Variants in NKAIN2 observed in about 807,000 individuals in gnomAD.
The protein encoded by NKAIN2 is sodium/potassium-transporting ATPase subunit beta-1-interacting protein 2.
NKAIN2 carries 14 observed loss-of-function variants against 32.6 expected under a neutral mutation model. The ratio of observed to expected loss-of-function variants is 0.43; its 90% CI spans 0.28 to 0.67. NKAIN2 has a LOEUF of 0.67. Ranked by LOEUF, NKAIN2 falls within the 30% of genes least tolerant of loss-of-function variation. The pLI is 0.17. For missense variants in NKAIN2, 198 were observed against 258.3 expected, an observed-to-expected ratio of 0.77 and a Z score of 1.60; for synonymous variants, 80 against 87.2, an observed-to-expected ratio of 0.92 and a Z score of 0.46.
chr6:124,310,177 A>G (rs2114997997), intron 2 of NKAIN2, among the ~76,000 whole-genome samples: 1 of 152,270 alleles, frequency 6.6e-6, no homozygotes, highest in East Asian at 1.9e-4. Flanking sequence ...TGAAAAGCAC[A>G]TAGCTGTTTT....
intron 3 of NKAIN2, among the ~76,000 whole-genome samples, chr6:124,585,148 C>T (rs745328528): frequency 1.6e-4 from 25 of 152,162 alleles, no homozygotes; most frequent in Non-Finnish European, 1.9e-4. Flanking sequence ...AAGATCCTAT[C>T]GTTGGCAAAA....
intron 1 of NKAIN2, among the ~76,000 whole-genome samples, chr6:124,272,218 G>T (rs181061433): frequency 6.6e-6 from 1 of 152,184 alleles, no homozygotes. Context: ...AGGTCTTTAC[G>T]CAGCCCTCCC....
At chr6:124,445,276 C>T (rs1323685937) in intron 3 of NKAIN2, among the ~76,000 whole-genome samples, 1 of 151,982 alleles carries the variant, frequency 6.6e-6, no homozygotes, top group East Asian at 1.9e-4. Context: ...TTGGTTTTTG[C>T]TCTTCTTTGC....
At chr6:124,711,972 G>C (rs1009205029) in intron 4 of NKAIN2, among the ~76,000 whole-genome samples, 1 of 151,974 alleles carries the variant, frequency 6.6e-6, no homozygotes, top group African/African-American at 2.4e-5. Context: ...GGTCTTTGAC[G>C]ATGGTGATGT....
intron 3 of NKAIN2, among the ~76,000 whole-genome samples, chr6:124,449,420 T>A (rs1776014098): frequency 6.6e-6 from 1 of 151,984 alleles, no homozygotes; most frequent in Non-Finnish European, 1.5e-5. Context: ...GCCAACACTG[T>A]TAATAAGTAG....
intron 3 of NKAIN2, among the ~76,000 whole-genome samples, chr6:124,616,344 C>A (rs1391455041): frequency 6.6e-6 from 1 of 151,214 alleles, no homozygotes; most frequent in Admixed American, 6.6e-5. Flanking sequence ...ATATGAGAAG[C>A]TGAAATCTAT....
At chr6:124,747,827 A>G (rs1267962217) in intron 4 of NKAIN2, among the ~76,000 whole-genome samples, 7 of 151,890 alleles carry the variant, frequency 4.6e-5, no homozygotes, top group Admixed American at 3.3e-4. Flanking sequence ...TCATTAAAAT[A>G]TGAAACACTC....
In NKAIN2 at chr6:124,801,405, G is replaced by A. The variant is rs186577584; in HGVS notation, c.535+10006G>A. Among the ~76,000 whole-genome samples, 4 of 152,278 alleles carry A rather than the reference G, an allele frequency of 2.6e-5. No individual in the cohort carries two copies. In the East Asian group the frequency reaches 7.7e-4, roughly 29 times the overall value. On this transcript the variant is annotated intron_variant, in intron 5 of 6. Transcript: ENST00000368417. ...CCTACTGTAATCCCCCAATTTTACA[G>A]TTAAGGAAAGGGACACTCAAATTGA...
At chr6:124,329,685 C>T (rs1034089986) in intron 2 of NKAIN2, among the ~76,000 whole-genome samples, 2 of 152,208 alleles carry the variant, frequency 1.3e-5, no homozygotes, top group African/African-American at 4.8e-5. Flanking sequence ...AAGACACCTA[C>T]ACTTGCACAG....
chr6:124,555,999 T>G (rs1013566183), intron 3 of NKAIN2, among the ~76,000 whole-genome samples: 1 of 151,826 alleles, frequency 6.6e-6, no homozygotes, highest in Non-Finnish European at 1.5e-5. Context: ...ATGGTGCCCT[T>G]GGCTTTTATC....
At chr6:124,443,893 A>G (rs1365150415) in intron 3 of NKAIN2, among the ~76,000 whole-genome samples, 1 of 151,764 alleles carries the variant, frequency 6.6e-6, no homozygotes. Context: ...ACTCTTATCT[A>G]TCCTTTCAAT....
intron 1 of NKAIN2, among the ~76,000 whole-genome samples, chr6:124,173,565 A>G (rs1789003265): frequency 6.6e-6 from 1 of 152,126 alleles, no homozygotes; most frequent in African/African-American, 2.4e-5. Flanking sequence ...AAGAAACTGT[A>G]GAGTGAAAAA....
intron 3 of NKAIN2, among the ~76,000 whole-genome samples, chr6:124,468,545 C>T (rs891996789): frequency 7.9e-5 from 12 of 152,050 alleles, no homozygotes; most frequent in East Asian, 5.8e-4. Context: ...CATAAAATTT[C>T]GATTACACAT....
At chr6:123,864,695 G>C (rs1163346357) in intron 1 of NKAIN2, among the ~76,000 whole-genome samples, 4 of 152,122 alleles carry the variant, frequency 2.6e-5, no homozygotes, top group African/African-American at 4.8e-5. Context: ...TAAATGCAAA[G>C]CCCTGAGGTA....
chr6:124,457,492 A>G (rs1456678376), intron 3 of NKAIN2, among the ~76,000 whole-genome samples: 1 of 151,910 alleles, frequency 6.6e-6, no homozygotes, highest in Non-Finnish European at 1.5e-5. Context: ...CTAACCACAT[A>G]TCCTTTTGTT....
At chr6:124,559,447 G>A (rs117093165) in intron 3 of NKAIN2, among the ~76,000 whole-genome samples, 1,954 of 152,194 alleles carry the variant, frequency 0.013, 28 homozygotes, top group South Asian at 0.028. Context: ...AGCGATAGAC[G>A]ATTCCTTACC....
rs144437994 is a variant in NKAIN2, at chr6:124,423,199, A to G, written c.273+67852A>G. Among the ~76,000 whole-genome samples the G allele has an allele frequency of 3.2e-3, 490 of 152,288 alleles. 3 individuals are homozygous for G. The highest frequency in any genetic ancestry group is 0.011 in the African/African-American group (437 of 41,570). ...ATTTTTTCATATTTTAGTGACCAAA[A>G]TCATTGAGTGTCATATGAACTATTA... On this transcript the variant is annotated intron_variant, in intron 3 of 6. Transcript: ENST00000368417.
At chr6:123,906,424 G>A (rs142069231) in intron 1 of NKAIN2, among the ~76,000 whole-genome samples, 1,523 of 152,084 alleles carry the variant, frequency 0.01, 27 homozygotes, top group African/African-American at 0.034. Flanking sequence ...CTGAGTAGCT[G>A]GGACTACAGG....
At chr6:124,709,928 G>A (rs1775344841) in intron 4 of NKAIN2, among the ~76,000 whole-genome samples, 1 of 152,082 alleles carries the variant, frequency 6.6e-6, no homozygotes, top group African/African-American at 2.4e-5. Flanking sequence ...ATGTTAGGGT[G>A]TCAATTTTGG....
Sources: gnomAD v4.1 joint callset for allele counts (sites outside exome capture counted in the v4.1 genomes callset) on GRCh38, gnomAD v4.1.1 for gene constraint, MANE v1.5 for transcripts, NCBI Gene and HGNC (gene_info 2026-07-23, HGNC 2026-07-21) for gene names.